Variants in WDR59 observed in about 807,000 individuals in gnomAD.
WDR59 encodes WD repeat domain 59, also known as GATOR2 complex protein WDR59.
A neutral mutation model predicts 131.2 loss-of-function variants in WDR59; 100 were observed. The observed-to-expected ratio is 0.76, with a 90% CI of 0.65 to 0.90. The LOEUF (loss-of-function observed/expected upper bound fraction) is 0.90. WDR59 is among the 40% of genes least tolerant of loss of function. The pLI is 0.00. For synonymous variants in WDR59, 601 were observed against 466.2 expected (o/e 1.29, Z -3.72); for missense variants, 1,203 against 1,262.2 (o/e 0.95, Z 0.71).
At chr16:74,885,609 G>C in intron 25 of WDR59, 44 bp downstream of exon 25, 5 of 1,601,544 alleles carry the variant, frequency 3.1e-6, no homozygotes, top group Non-Finnish European at 4.3e-6. Context: ...TAAATTACAG[G>C]ATCTTTCAGA....
At chr16:74,925,827 C>A (rs8053634) in intron 8 of WDR59, among the ~76,000 whole-genome samples, 151,330 of 151,928 alleles carry the variant, frequency 1, 75,374 homozygotes, top group Middle Eastern at 1. Flanking sequence ...CCAGGAGTTC[C>A]AGATCAGCCT....
chr16:74,957,525 G>A (rs1041109978), intron 2 of WDR59, among the ~76,000 whole-genome samples: 9 of 151,994 alleles, frequency 5.9e-5, no homozygotes, highest in Admixed American at 5.9e-4. Flanking sequence ...CTACTTCCTG[G>A]TCAAGAAAAC....
chr16:74,951,667 A>C, intron 3 of WDR59, 124 bp from the exon 4 acceptor site: 1 of 807,598 alleles, frequency 1.2e-6, no homozygotes, highest in Non-Finnish European at 2.0e-6. Flanking sequence ...TTCAGGCTGA[A>C]CTTTTCTTTA....
intron 1 of WDR59, among the ~76,000 whole-genome samples, chr16:74,968,541 C>T (rs1352985008): frequency 6.6e-6 from 1 of 151,926 alleles, no homozygotes; most frequent in Non-Finnish European, 1.5e-5. Flanking sequence ...GCCAACATGG[C>T]GAAACCCCAT....
In WDR59 at chr16:74,948,556, T is replaced by C. The variant is rs973789109; in HGVS notation, c.408A>G (p.Lys136=). 6.2e-7 allele frequency: 1 copy of C among 1,613,014 alleles called. No homozygotes were observed. Among genetic ancestry groups the C allele is most frequent in the African/African-American group, 1.3e-5 (1 of 74,986 alleles). Residue 136 remains lysine, a splice_region_variant and synonymous_variant, in exon 6 of 26, where the codon AAA becomes AAG. Coordinates refer to ENST00000262144, the MANE Select transcript of WDR59 (RefSeq NM_030581.4). ...VDTYIYIWDI[K]DTRKPTVALS... ...GTGCAACAGTAGGTTTCCTTGTGTC[T>C]CTGAAATATAAAAATAAAAAATCAA...
chr16:74,912,264 G>C lies in WDR59; in HGVS notation c.1323C>G (p.Ala441=). 6.2e-7 allele frequency: 1 copy of C among 1,614,154 alleles called. No homozygotes were observed. The highest frequency in any genetic ancestry group is 8.5e-7 in the Non-Finnish European group (1 of 1,180,032). Residue 441 remains alanine (A), a synonymous_variant, in exon 14 of 26, where the codon GCC becomes GCG. Transcript: ENST00000262144. The part of the protein sequence containing the change: ...VKFPAQYPNN[A]APSFQFINPT... Reference sequence around the variant, plus strand: ...GGTTAATAAACTGGAAGGAAGGGGCGGCGTTGTTTGGGTACTGTGCAGGGA... The same window carrying C: ...GGTTAATAAACTGGAAGGAAGGGGCCGCGTTGTTTGGGTACTGTGCAGGGA...
chr16:74,896,515 G>T (rs1333984665), intron 18 of WDR59, among the ~76,000 whole-genome samples: 1 of 151,982 alleles, frequency 6.6e-6, no homozygotes, highest in East Asian at 1.9e-4. Flanking sequence ...TGGACCTGTG[G>T]TCCCAGCTAT....
At chr16:74,940,709 A>T in intron 7 of WDR59, among the ~76,000 whole-genome samples, 1 of 151,922 alleles carries the variant, frequency 6.6e-6, no homozygotes, top group Non-Finnish European at 1.5e-5. Context: ...AATTTTATTT[A>T]TTTATTTAAT....
At chr16:74,937,347 G>C (rs1293500457) in intron 8 of WDR59, among the ~76,000 whole-genome samples, 5 of 152,186 alleles carry the variant, frequency 3.3e-5, no homozygotes, top group Non-Finnish European at 7.3e-5. Flanking sequence ...GAAAACGTCA[G>C]AACTTTCTAC....
intron 8 of WDR59, among the ~76,000 whole-genome samples, chr16:74,936,841 A>C (rs966600754): frequency 1.3e-5 from 2 of 151,998 alleles, no homozygotes; most frequent in African/African-American, 4.8e-5. Context: ...TAAATAAATA[A>C]ATAAAAACAA....
At chr16:74,900,250 G>A (rs935869776) in intron 18 of WDR59, among the ~76,000 whole-genome samples, 1 of 152,112 alleles carries the variant, frequency 6.6e-6, no homozygotes, top group East Asian at 1.9e-4. Context: ...GGGGTGATGA[G>A]GGAATTGGGT....
intron 1 of WDR59, among the ~76,000 whole-genome samples, chr16:74,974,394 GTAATCAACAT>G (rs1218646165): frequency 6.6e-6 from 1 of 152,056 alleles, no homozygotes; most frequent in African/African-American, 2.4e-5. Flanking sequence ...AATAATAATG[GTAATCAACAT>G]TTATCAACTG....
chr16:74,978,236 C>T (rs1356032038), intron 1 of WDR59, among the ~76,000 whole-genome samples: 1 of 149,752 alleles, frequency 6.7e-6, no homozygotes, highest in Non-Finnish European at 1.5e-5. Flanking sequence ...GGCAGAGAAT[C>T]GCTTGAACTC....
Position 74,968,635 on chromosome 16 carries a change from C to T in WDR59, c.55-2813G>A, listed in dbSNP as rs138334368. On this transcript the variant is annotated intron_variant, in intron 1 of 25. Transcript: ENST00000262144. ...GCTCAGGAGGCTGAGGTAGGAGGATCGCTTGAACCCAGGAAGTGGAGGCTG... is the reference window on the plus strand; with the variant it reads ...GCTCAGGAGGCTGAGGTAGGAGGATTGCTTGAACCCAGGAAGTGGAGGCTG... Among the ~76,000 whole-genome samples, 265 of 152,120 alleles carry T rather than the reference C, an allele frequency of 1.7e-3. 2 individuals are homozygous for T. Among genetic ancestry groups the T allele is most frequent in the African/African-American group, 5.7e-3 (237 of 41,512 alleles).
chr16:74,922,288 T>C (rs2030320696), intron 9 of WDR59, among the ~76,000 whole-genome samples, 185 bp from the exon 10 acceptor site: 1 of 152,194 alleles, frequency 6.6e-6, no homozygotes, highest in South Asian at 2.1e-4. Flanking sequence ...TCTCTTTGCT[T>C]ATGGAAGGGA....
chr16:74,973,928 G>C (rs987908222), intron 1 of WDR59, among the ~76,000 whole-genome samples: 2 of 152,020 alleles, frequency 1.3e-5, no homozygotes, highest in African/African-American at 4.8e-5. Flanking sequence ...CTAGCACTTT[G>C]GGAGGCTGAA....
intron 25 of WDR59, among the ~76,000 whole-genome samples, chr16:74,879,356 C>CA (rs1434939632): frequency 1.3e-5 from 2 of 151,960 alleles, no homozygotes; most frequent in African/African-American, 4.8e-5. Context: ...GACCCTGTCT[C>CA]AAAAAACAAA....
chr16:74,927,335 T>TC (rs1225601132), intron 8 of WDR59, among the ~76,000 whole-genome samples: 1 of 152,048 alleles, frequency 6.6e-6, no homozygotes, highest in East Asian at 1.9e-4. Context: ...ACACCTATAA[T>TC]CCCAGCACTT....
intron 6 of WDR59, among the ~76,000 whole-genome samples, chr16:74,948,080 A>G (rs2145125542): frequency 6.6e-6 from 1 of 152,322 alleles, no homozygotes; most frequent in South Asian, 2.1e-4. Flanking sequence ...CAGAAAAGAA[A>G]AAAATCACAA....
Sources: allele counts gnomAD v4.1 joint callset (sites outside exome capture counted in the v4.1 genomes callset), GRCh38; gene constraint gnomAD v4.1.1; transcripts MANE v1.5; gene names NCBI Gene and HGNC (gene_info 2026-07-23, HGNC 2026-07-21).